RUVBL1: variants seen among roughly 807,000 people sequenced by gnomAD.
RUVBL1 encodes the protein ruvB-like 1.
Under a neutral mutation model 52.4 loss-of-function variants are expected in RUVBL1, and 4 were observed. The ratio of observed to expected loss-of-function variants is 0.08; its 90% CI spans 0.04 to 0.17. The LOEUF (loss-of-function observed/expected upper bound fraction) is 0.17, where lower values mean the gene tolerates loss of function less well. Ranked by LOEUF, RUVBL1 falls within the 10% of genes least tolerant of loss-of-function variation. RUVBL1 has a pLI of 1.00. For synonymous variants in RUVBL1, 217 were observed against 214.4 expected (o/e 1.01, Z -0.10); for missense variants, 298 against 572.8 (o/e 0.52, Z 4.90).
chr3:128,104,735 G>A, intron 4 of RUVBL1, 38 bp downstream of exon 4: 2 of 1,570,186 alleles, frequency 1.3e-6, no homozygotes, highest in Non-Finnish European at 1.7e-6. Flanking sequence ...ACAGTGCTGG[G>A]AGAGTCAAGG....
upstream of RUVBL1, among the ~76,000 whole-genome samples, chr3:128,125,314 C>T (rs1026673778): frequency 5.3e-5 from 8 of 152,094 alleles, no homozygotes; most frequent in Non-Finnish European, 1.2e-4. Flanking sequence ...CGCGCCCGGC[C>T]TCTCACACCT....
chr3:128,098,612 G>A (rs1319630567), intron 7 of RUVBL1, among the ~76,000 whole-genome samples: 1 of 152,216 alleles, frequency 6.6e-6, no homozygotes, highest in Non-Finnish European at 1.5e-5. Flanking sequence ...CTGTGCTCCA[G>A]CAGAGCTGGG....
intron 9 of RUVBL1, among the ~76,000 whole-genome samples, chr3:128,073,212 A>G (rs901297025): frequency 2.0e-5 from 3 of 152,284 alleles, no homozygotes; most frequent in Non-Finnish European, 4.4e-5. Context: ...GAGTCTAGGG[A>G]AACAGGCCCC....
chr3:128,074,624 C>T (rs773157594), intron 9 of RUVBL1, among the ~76,000 whole-genome samples: 18 of 152,046 alleles, frequency 1.2e-4, no homozygotes, highest in Non-Finnish European at 8.8e-5. Flanking sequence ...AGGTGGATCA[C>T]CTGAGGTCAG....
At chr3:128,095,518 G>A (rs1215956226) in intron 8 of RUVBL1, among the ~76,000 whole-genome samples, 1 of 152,234 alleles carries the variant, frequency 6.6e-6, no homozygotes. Flanking sequence ...CAAGACTTAG[G>A]AAGCACTTAT....
intron 3 of RUVBL1, among the ~76,000 whole-genome samples, chr3:128,107,720 C>G (rs1352047660): frequency 6.6e-6 from 1 of 152,184 alleles, no homozygotes; most frequent in African/African-American, 2.4e-5. Flanking sequence ...ATTCTTAGTT[C>G]CTGAACATTA....
intron 5 of RUVBL1, among the ~76,000 whole-genome samples, chr3:128,101,135 C>G (rs145827222): frequency 1.3e-5 from 2 of 152,298 alleles, no homozygotes; most frequent in African/African-American, 4.8e-5. Flanking sequence ...GAACACTGTA[C>G]AGGACCCTGA....
At chr3:128,084,864 G>C (rs1041241488) in intron 9 of RUVBL1, 2 of 152,346 alleles carry the variant, frequency 1.3e-5, no homozygotes, top group African/African-American at 4.8e-5. Context: ...AGCCTGAGGA[G>C]AGGCCCTCCT....
At chr3:128,085,517 G>A (rs1942618681) in intron 9 of RUVBL1, among the ~76,000 whole-genome samples, 1 of 152,236 alleles carries the variant, frequency 6.6e-6, no homozygotes. Flanking sequence ...ACCCTTGCAA[G>A]TCACCTGGCA....
chr3:128,105,663 C>T (rs1371552039), intron 3 of RUVBL1, among the ~76,000 whole-genome samples: 1 of 152,060 alleles, frequency 6.6e-6, no homozygotes, highest in Non-Finnish European at 1.5e-5. Flanking sequence ...TAACTCATTA[C>T]ACACCCTCTG....
In RUVBL1 at chr3:128,123,780, G is replaced by C. The variant is rs1331566179; in HGVS notation, c.-56C>G. 5 of 1,527,568 alleles carry C rather than the reference G, an allele frequency of 3.3e-6. No homozygotes were observed. The highest frequency in any genetic ancestry group is 4.4e-6 in the Non-Finnish European group (5 of 1,128,890). 94.6% of individuals were successfully genotyped at this position (1,527,568 alleles called of 1,614,324 possible). On this transcript the variant is annotated 5_prime_UTR_variant, in exon 1 of 11. Coordinates refer to ENST00000322623, the MANE Select transcript of RUVBL1 (RefSeq NM_003707.3). ...GGAAAACCAGCAGCTAGGACAGTGCGCCCGGCGCCTGAGTTACCATGCGGC... is the reference window on the plus strand; with the variant it reads ...GGAAAACCAGCAGCTAGGACAGTGCCCCCGGCGCCTGAGTTACCATGCGGC...
intron 9 of RUVBL1, among the ~76,000 whole-genome samples, chr3:128,074,865 A>C (rs1304318719): frequency 4.1e-5 from 6 of 146,482 alleles, no homozygotes; most frequent in African/African-American, 7.8e-5. Context: ...AAAAAAAAAA[A>C]CTTAAAAAAC....
intron 3 of RUVBL1, among the ~76,000 whole-genome samples, chr3:128,111,210 ACT>A (rs1559822854): frequency 9.5e-6 from 1 of 104,722 alleles, no homozygotes; most frequent in Non-Finnish European, 1.9e-5. Flanking sequence ...GGCGACAGAG[ACT>A]CTCTCTCAAA....
intron 2 of RUVBL1, among the ~76,000 whole-genome samples, chr3:128,118,944 G>A (rs530650832): frequency 5.3e-5 from 8 of 152,190 alleles, no homozygotes; most frequent in South Asian, 2.1e-4. Context: ...ATAGCGATGC[G>A]TAAAGCTAGC....
chr3:128,069,810 C>T (rs1942102976), intron 9 of RUVBL1: 2 of 742,056 alleles, frequency 2.7e-6, no homozygotes, highest in Non-Finnish European at 2.1e-6. Context: ...AAGTGCTAGA[C>T]ATTTTCCAAT....
intron 2 of RUVBL1, among the ~76,000 whole-genome samples, chr3:128,118,110 G>A (rs1440418739): frequency 6.6e-6 from 1 of 152,144 alleles, no homozygotes; most frequent in African/African-American, 2.4e-5. Flanking sequence ...TTAGGAAGAA[G>A]AAAAATGGAG....
chr3:128,073,456 G>A (rs1942226830), intron 9 of RUVBL1, among the ~76,000 whole-genome samples: 1 of 152,204 alleles, frequency 6.6e-6, no homozygotes, highest in South Asian at 2.1e-4. Flanking sequence ...ATGGCCTGGG[G>A]AAGAGCAACG....
chr3:128,084,372 C>T (rs997221232), intron 9 of RUVBL1: 5 of 152,274 alleles, frequency 3.3e-5, no homozygotes, highest in African/African-American at 1.2e-4. Context: ...CCCCTGAACA[C>T]AGCTTCAAGG....
At chr3:128,096,148 A>G (rs1942963613) in intron 8 of RUVBL1, among the ~76,000 whole-genome samples, 1 of 152,052 alleles carries the variant, frequency 6.6e-6, no homozygotes, top group Admixed American at 6.5e-5. Flanking sequence ...ACACTACTCT[A>G]TTGCAGGCTT....
Sources: gnomAD v4.1 joint callset for allele counts (sites outside exome capture counted in the v4.1 genomes callset) on GRCh38, gnomAD v4.1.1 for gene constraint, MANE v1.5 for transcripts, NCBI Gene and HGNC (gene_info 2026-07-23, HGNC 2026-07-21) for gene names.